CES5A: variants seen among roughly 807,000 people sequenced by gnomAD.
The protein encoded by CES5A is carboxylesterase 5A.
A neutral mutation model predicts 62.9 loss-of-function variants in CES5A; 67 were observed. The observed-to-expected ratio is 1.07, with a 90% CI of 0.88 to 1.31. The LOEUF is 1.31. CES5A is among the 50% of genes most tolerant of loss of function. The probability of loss-of-function intolerance (pLI) is 0.00; values close to 1 mark genes in which losing one functional copy is unlikely to be tolerated. For missense variants in CES5A, 748 were observed against 708.5 expected (o/e 1.06, Z -0.63); for synonymous variants, 296 against 280.8 (o/e 1.05, Z -0.54).
intron 11 of CES5A, among the ~76,000 whole-genome samples, chr16:55,848,976 TGTCCTCTTTGTCAAGAG>T (rs1473176449): frequency 6.6e-6 from 1 of 152,238 alleles, no homozygotes; most frequent in Non-Finnish European, 1.5e-5. Flanking sequence ...TGGAACGTTC[TGTCCTCTTTGTCAAGAG>T]GCCAGTGTGA....
chr16:55,889,021 T>G (rs538526670), intron 1 of CES5A, among the ~76,000 whole-genome samples: 1 of 151,922 alleles, frequency 6.6e-6, no homozygotes, highest in Admixed American at 6.6e-5. Flanking sequence ...ATTTGACAGT[T>G]AAAGGGGAGC....
chr16:55,923,745 C>G (rs1326078813), intron 1 of CES5A, among the ~76,000 whole-genome samples: 1 of 151,634 alleles, frequency 6.6e-6, no homozygotes, highest in African/African-American at 2.4e-5. Context: ...CACTGAAGAA[C>G]TTAGATGCAC....
chr16:55,879,023 C>G (rs1262109539), upstream of CES5A, among the ~76,000 whole-genome samples: 1 of 149,946 alleles, frequency 6.7e-6, no homozygotes, highest in Non-Finnish European at 1.5e-5. Context: ...ATCACTGCAC[C>G]CCATTGCTGC....
intron 2 of CES5A, among the ~76,000 whole-genome samples, chr16:55,949,093 G>T (rs1308757302): frequency 1.3e-5 from 2 of 152,224 alleles, no homozygotes; most frequent in Non-Finnish European, 2.9e-5. Context: ...GCTTTGCTCT[G>T]ATACACGTAA....
rs2033088366 is a variant in CES5A, at chr16:55,849,683, GC to G, written c.1363del (p.Ala455LeufsTer13). 6.2e-7 allele frequency: 1 copy of G among 1,613,876 alleles called. No individual in the cohort carries two copies. The highest frequency in any genetic ancestry group is 1.3e-5 in the African/African-American group (1 of 74,920). ...TKPAFVKADH[A>X]DEVRFVFGGA... ...ACCGAACACAAAGCGGACTTCATCA[GC>G]GTGGTCGGCTTTGACAAAAGCTGGC... On this transcript the variant is annotated frameshift_variant, in exon 11 of 13. Coordinates refer to ENST00000290567, the MANE Select transcript of CES5A (RefSeq NM_001143685.2). LOFTEE classifies it high-confidence loss of function.
At chr16:55,912,251 T>A (rs1213257573) in intron 1 of CES5A, among the ~76,000 whole-genome samples, 1 of 152,218 alleles carries the variant, frequency 6.6e-6, no homozygotes, top group Non-Finnish European at 1.5e-5. Flanking sequence ...TGGCAGATGG[T>A]GGCACTGAGT....
At chr16:55,893,413 T>C (rs767983926) in intron 1 of CES5A, among the ~76,000 whole-genome samples, 14 of 151,838 alleles carry the variant, frequency 9.2e-5, no homozygotes, top group Non-Finnish European at 1.9e-4. Context: ...ATGACAAAAA[T>C]ATTGGTATAA....
At chr16:55,912,821 A>G (rs2034108662) in intron 1 of CES5A, among the ~76,000 whole-genome samples, 1 of 152,184 alleles carries the variant, frequency 6.6e-6, no homozygotes, top group Non-Finnish European at 1.5e-5. Context: ...GAGAAAACAG[A>G]GGCCCTGAGA....
chr16:55,933,338 A>C (rs1197236966), intron 2 of CES5A, among the ~76,000 whole-genome samples: 1 of 152,200 alleles, frequency 6.6e-6, no homozygotes, highest in Non-Finnish European at 1.5e-5. Flanking sequence ...TACTCAAGAT[A>C]CCCTTTCGAG....
chr16:55,933,478 C>T (rs1239394349), intron 2 of CES5A, among the ~76,000 whole-genome samples: 1 of 151,778 alleles, frequency 6.6e-6, no homozygotes, highest in Non-Finnish European at 1.5e-5. Flanking sequence ...TTAACATATC[C>T]CAAACTAAAC....
At position 55,881,355 on chromosome 16, in the gene CES5A, T is replaced by C. The variant is rs145551359; in HGVS notation, c.-255-7318A>G. ...AATGAATCGCGTGATGTGGCTATTA[T>C]GTCCTGATAGGAACAGAGAAAAACA... On this transcript the variant is annotated intron_variant, in intron 1 of 12. Coordinates refer to the CES5A transcript ENST00000518005. Among the ~76,000 whole-genome samples the C allele has an allele frequency of 3.2e-3, 486 of 152,324 alleles. 2 individuals carry two copies. Among genetic ancestry groups the C allele is most frequent in the Middle Eastern group, 6.8e-3 (2 of 294 alleles).
At chr16:55,947,693 C>A (rs2034511505) in intron 2 of CES5A, among the ~76,000 whole-genome samples, 2 of 152,002 alleles carry the variant, frequency 1.3e-5, no homozygotes, top group African/African-American at 4.8e-5. Context: ...GATAAGATCA[C>A]ATTTGAAATG....
intron 2 of CES5A, among the ~76,000 whole-genome samples, chr16:55,944,624 G>A (rs1465391132): frequency 6.6e-6 from 1 of 152,132 alleles, no homozygotes; most frequent in Non-Finnish European, 1.5e-5. Flanking sequence ...TACTGCAGGC[G>A]ACAATGCAAA....
chr16:55,846,724 A>G (rs2142377795), intron 12 of CES5A, 42 bp from the exon 13 acceptor site: 1 of 1,611,928 alleles, frequency 6.2e-7, no homozygotes, highest in East Asian at 2.2e-5. Context: ...TTTCCTCCTC[A>G]CACCCCAGGC....
In CES5A at chr16:55,873,979, T is replaced by A; in HGVS notation, c.132A>T (p.Gln44His). Reference protein sequence around the residue: ...NTRLGWIQGKQVTVLGSPVPV... With the variant: ...NTRLGWIQGKHVTVLGSPVPV... ...GCACAGGGCTTCCCAGCACAGTGAC[T>A]TGCTTGCCCTGAATCCATCCCAGCC... Residue 44 changes from glutamine (Q) to histidine (H), a missense_variant, in exon 2 of 13, where the codon CAA (glutamine) becomes CAT (histidine). Coordinates refer to ENST00000290567, the MANE Select transcript of CES5A (RefSeq NM_001143685.2). The A allele has an allele frequency of 6.2e-7, 1 of 1,612,538 alleles. No homozygotes were observed. The highest frequency in any genetic ancestry group is 8.5e-7 in the Non-Finnish European group (1 of 1,179,612).
intron 1 of CES5A, among the ~76,000 whole-genome samples, chr16:55,904,704 C>T (rs1354130682): frequency 2.0e-5 from 3 of 152,138 alleles, no homozygotes; most frequent in Non-Finnish European, 2.9e-5. Flanking sequence ...AGTGATTTAC[C>T]TATAGTAGCA....
At chr16:55,876,935 T>A (rs1412429942), upstream of CES5A, among the ~76,000 whole-genome samples, 1 of 152,200 alleles carries the variant, frequency 6.6e-6, no homozygotes, top group East Asian at 1.9e-4. Context: ...CAACCTGGCC[T>A]GTGCTGGAGC....
chr16:55,862,049 C>A (rs1316487356), intron 6 of CES5A, among the ~76,000 whole-genome samples: 5 of 152,106 alleles, frequency 3.3e-5, no homozygotes, highest in Admixed American at 3.3e-4. Context: ...TGCCTCTATA[C>A]CAATCCTTTT....
intron 7 of CES5A, 28 bp downstream of exon 7, chr16:55,861,384 C>A (rs1209943277): frequency 5.3e-6 from 7 of 1,314,128 alleles, no homozygotes; most frequent in Non-Finnish European, 6.6e-6. Flanking sequence ...GGCAAGCCTG[C>A]CCCCAAAACT....
Sources: gnomAD v4.1 joint callset for allele counts (sites outside exome capture counted in the v4.1 genomes callset) on GRCh38, gnomAD v4.1.1 for gene constraint, MANE v1.5 for transcripts, NCBI Gene and HGNC (gene_info 2026-07-23, HGNC 2026-07-21) for gene names.